Variants in ZNF140 observed in about 807,000 individuals in gnomAD.
ZNF140 encodes the protein zinc finger protein 140.
In ZNF140, 13 loss-of-function variants were observed where a neutral mutation model predicts 12.9. The ratio of observed to expected loss-of-function variants is 1.01; its 90% CI spans 0.66 to 1.60. ZNF140 has a LOEUF of 1.60. ZNF140 is among the 40% of genes most tolerant of loss of function. The pLI is 0.00. For missense variants in ZNF140, 531 were observed against 548.8 expected, an observed-to-expected ratio of 0.97 and a Z score of 0.32; for synonymous variants, 214 against 186.7, an observed-to-expected ratio of 1.15 and a Z score of -1.19.
chr12:133,082,954 C>T lies in ZNF140; in HGVS notation c.10-149C>T, dbSNP rs988173570. 32 of 1,179,678 alleles carry T rather than the reference C, an allele frequency of 2.7e-5. No homozygotes were observed. The South Asian group carries it at 4.7e-4, about 17-fold the overall frequency. 73.1% of individuals were successfully genotyped at this position (1,179,678 alleles called of 1,614,324 possible). A position where few individuals can be genotyped will look rare whatever the true frequency, so the allele number is the denominator to read the frequency against. On this transcript the variant is annotated intron_variant, in intron 2 of 4. Coordinates refer to ENST00000355557, the MANE Select transcript of ZNF140 (RefSeq NM_003440.4). The stretch of plus-strand genomic sequence containing the variant: ...AACAAAACACAAGAGCTAGGCTCTT[C>T]ATTATATAATTACTCAGAATTCTGA...
Position 133,105,953 on chromosome 12 carries a change from T to C in ZNF140, c.676T>C (p.Phe226Leu), listed in dbSNP as rs1275481688. ...PHECKDCNKT[F>L]SYLSFLIEHQ... ...TGAGTGTAAGGACTGTAATAAAACATTCAGTTACCTTTCATTTCTTATTGA... is the reference window on the plus strand; with the variant it reads ...TGAGTGTAAGGACTGTAATAAAACACTCAGTTACCTTTCATTTCTTATTGA... The change falls in exon 5 of 5, where the codon TTC becomes CTC. Residue 226 changes from phenylalanine to leucine, a missense_variant. Phe to Leu is a conservative substitution (Grantham distance 22). Transcript: ENST00000355557. 1.2e-6 allele frequency: 2 copies of C among 1,613,958 alleles called. No individual in the cohort carries two copies. The highest frequency in any genetic ancestry group is 1.7e-6 in the Non-Finnish European group (2 of 1,180,016).
At position 133,089,225 on chromosome 12, in the gene ZNF140, T is replaced by C. The variant is rs900231198; in HGVS notation, c.232+5664T>C. Among the ~76,000 whole-genome samples, 7 of 152,212 alleles carry C rather than the reference T, an allele frequency of 4.6e-5. 1 individual carries two copies. The South Asian group carries it at 1.5e-3, about 32-fold the overall frequency. ...ATTAATTATTCATTTGATTTTTTTT[T>C]TTTTCGAGGCAGGGTCTCACTCTGT... On this transcript the variant is annotated intron_variant, in intron 4 of 4. Transcript: ENST00000355557.
chr12:133,088,710 A>C (rs1954762412), intron 4 of ZNF140, among the ~76,000 whole-genome samples: 1 of 152,230 alleles, frequency 6.6e-6, no homozygotes. Flanking sequence ...ACCATTTTGC[A>C]TTCCCGTCAG....
At position 133,106,904 on chromosome 12, in the gene ZNF140, G is replaced by C. The variant is rs1380669231; in HGVS notation, c.*253G>C. 3.3e-6 allele frequency: 1 copy of C among 305,592 alleles called. No homozygotes were observed. Among genetic ancestry groups the C allele is most frequent in the African/African-American group, 2.2e-5 (1 of 45,774 alleles). 18.9% of individuals were successfully genotyped at this position (305,592 alleles called of 1,614,324 possible). A position where few individuals can be genotyped will look rare whatever the true frequency, so the allele number is the denominator to read the frequency against. On this transcript the variant is annotated 3_prime_UTR_variant, in exon 5 of 5. Transcript: ENST00000355557. ...ATTGTTGAGAAGATTCTTCCATCTG[G>C]TAATGTTGAGAAGACTTCATTTGGT...
intron 4 of ZNF140, among the ~76,000 whole-genome samples, chr12:133,096,029 C>T (rs758664855): frequency 0.013 from 1,873 of 146,094 alleles, 50 homozygotes; most frequent in East Asian, 0.085. Context: ...TACCAATCCA[C>T]CTCAGCACAG....
chr12:133,090,773 A>G (rs1392837685), intron 4 of ZNF140, among the ~76,000 whole-genome samples: 8 of 144,196 alleles, frequency 5.5e-5, no homozygotes, highest in Non-Finnish European at 1.2e-4. Context: ...GGTGATAATA[A>G]GGAGAAGGTC....
rs7955468 is a variant in ZNF140 at position 133,086,798 on chromosome 12, C to T, written c.232+3237C>T. On this transcript the variant is annotated intron_variant, in intron 4 of 4. Transcript: ENST00000355557. ...TTTTGCCATTCACATTTCGATCCAT[C>T]GTTCACTTTATTTTGTCATGTGAGT... Among the ~76,000 whole-genome samples the T allele has an allele frequency of 2.8e-3, 431 of 152,266 alleles. 1 individual carries two copies. The highest frequency in any genetic ancestry group is 9.6e-3 in the African/African-American group (398 of 41,546).
rs1955625619 is a variant in ZNF140, at chr12:133,107,027, T to C, written c.*376T>C. On this transcript the variant is annotated 3_prime_UTR_variant, in exon 5 of 5. Coordinates refer to ENST00000355557, the MANE Select transcript of ZNF140 (RefSeq NM_003440.4). Reference sequence around the variant, plus strand: ...GAGATTAGCCCTCATTCCGCATCTGTCAACCAGGACAGAAAGCATGGACAA... The same window carrying C: ...GAGATTAGCCCTCATTCCGCATCTGCCAACCAGGACAGAAAGCATGGACAA... 6.1e-6 allele frequency: 1 copy of C among 163,198 alleles called. No homozygotes were observed. The highest frequency in any genetic ancestry group is 1.3e-5 in the Non-Finnish European group (1 of 75,176). The allele number at this position is 163,198 out of a possible 1,614,324, so 10.1% of individuals were successfully genotyped here.
rs1213946608 is a variant in ZNF140 at position 133,105,574 on chromosome 12, C to A, written c.297C>A (p.Ser99=). The change falls in exon 5 of 5, where the codon TCC becomes TCA. Residue 99 remains serine, a synonymous_variant. Transcript: ENST00000355557. ...SPKNVIYDDS[S]QYLIMERILS... Reference sequence around the variant, plus strand: ...AAAATGTCATTTATGATGACTCATCCCAGTATTTGATCATGGAAAGAATTC... The same window carrying A: ...AAAATGTCATTTATGATGACTCATCACAGTATTTGATCATGGAAAGAATTC... 1.2e-6 allele frequency: 2 copies of A among 1,613,860 alleles called. No individual in the cohort carries two copies. Among genetic ancestry groups the A allele is most frequent in the Non-Finnish European group, 1.7e-6 (2 of 1,179,994 alleles).
chr12:133,081,073 G>C lies in ZNF140; in HGVS notation c.-49+1G>C. 1 of 239,084 alleles carries C rather than the reference G, an allele frequency of 4.2e-6. No individual in the cohort carries two copies. Among genetic ancestry groups the C allele is most frequent in the East Asian group, 1.0e-4 (1 of 9,636 alleles). The allele number at this position is 239,084 out of a possible 1,614,324, so 14.8% of individuals were successfully genotyped here. ...CGCATCCTTCTGTGGCCACTGTTAG[G>C]TGAGGGGGTTCTGGGGAGGCGCGCC... On this transcript the variant is annotated splice_donor_variant, in intron 1 of 4. Transcript: ENST00000355557. LOFTEE classifies it low-confidence loss of function (5UTR_SPLICE).
At chr12:133,101,546 G>A (rs918497779) in intron 4 of ZNF140, among the ~76,000 whole-genome samples, 14 of 152,122 alleles carry the variant, frequency 9.2e-5, no homozygotes, top group Non-Finnish European at 1.5e-4. Flanking sequence ...CCGGGTTCAC[G>A]CCATTCTCCT....
chr12:133,105,061 GCTTT>G (rs1386179297), intron 4 of ZNF140, among the ~76,000 whole-genome samples: 7 of 152,054 alleles, frequency 4.6e-5, no homozygotes, highest in Admixed American at 3.9e-4. Context: ...CAGAGAAACC[GCTTT>G]TTTTTTCATT....
At chr12:133,101,485 C>T (rs1020555912) in intron 4 of ZNF140, among the ~76,000 whole-genome samples, 20 of 152,302 alleles carry the variant, frequency 1.3e-4, no homozygotes, top group Middle Eastern at 6.8e-3. Flanking sequence ...CGCTCTGTCA[C>T]CCAGGCTGGA....
At chr12:133,104,838 A>G (rs1367333257) in intron 4 of ZNF140, among the ~76,000 whole-genome samples, 6 of 152,172 alleles carry the variant, frequency 3.9e-5, no homozygotes, top group Admixed American at 1.3e-4. Flanking sequence ...AAGGTTACTC[A>G]TGTTACATGA....
intron 4 of ZNF140, 67 bp from the exon 5 acceptor site, chr12:133,105,443 G>A: frequency 7.0e-7 from 1 of 1,438,752 alleles, no homozygotes; most frequent in African/African-American, 1.4e-5. Context: ...CTAAAGAAGG[G>A]AGAAATGGCC....
At chr12:133,081,373 A>ATATATATATATATATATATATATATT (rs1481354616) in intron 2 of ZNF140, 44 bp downstream of exon 2, 5 of 223,824 alleles carry the variant, frequency 2.2e-5, no homozygotes, top group Non-Finnish European at 3.1e-5. Context: ...ATATATATAA[A>ATATATATATATATATATATATATATT]TTTTTATTTT....
intron 1 of ZNF140, 36 bp from the exon 2 acceptor site, chr12:133,081,237 G>C: frequency 8.5e-7 from 1 of 1,170,922 alleles, no homozygotes; most frequent in Non-Finnish European, 1.2e-6. Flanking sequence ...GGCCTAGCTG[G>C]CCTGTTCGCT....
chr12:133,096,804 G>A (rs1285337271), intron 4 of ZNF140, among the ~76,000 whole-genome samples: 5 of 152,276 alleles, frequency 3.3e-5, no homozygotes, highest in South Asian at 4.1e-4. Flanking sequence ...GTCTATCTTC[G>A]TGAATGTCTT....
intron 4 of ZNF140, among the ~76,000 whole-genome samples, chr12:133,090,418 C>T (rs1340533868): frequency 6.6e-6 from 1 of 152,202 alleles, no homozygotes; most frequent in Non-Finnish European, 1.5e-5. Context: ...GCTGGGATTA[C>T]AGGTGTGAGC....
Sources: gnomAD v4.1 joint callset for allele counts (sites outside exome capture counted in the v4.1 genomes callset) on GRCh38, gnomAD v4.1.1 for gene constraint, MANE v1.5 for transcripts, NCBI Gene and HGNC (gene_info 2026-07-23, HGNC 2026-07-21) for gene names.